MPHOSPH9: variants seen among roughly 807,000 people sequenced by gnomAD.
The protein encoded by MPHOSPH9 is M-phase phosphoprotein 9.
A neutral mutation model predicts 145.5 loss-of-function variants in MPHOSPH9; 88 were observed. The observed-to-expected ratio is 0.60, with a 90% CI of 0.51 to 0.72. MPHOSPH9 has a LOEUF of 0.72. MPHOSPH9 is among the 30% of genes least tolerant of loss of function. The probability of loss-of-function intolerance (pLI) is 0.00; values close to 1 mark genes in which losing one functional copy is unlikely to be tolerated. For missense variants in MPHOSPH9, 1,238 were observed against 1,386.6 expected, an observed-to-expected ratio of 0.89 and a Z score of 1.70; for synonymous variants, 435 against 486.2, an observed-to-expected ratio of 0.89 and a Z score of 1.39.
At chr12:123,200,466 A>G (rs757900872) in intron 11 of MPHOSPH9, among the ~76,000 whole-genome samples, 1 of 152,064 alleles carries the variant, frequency 6.6e-6, no homozygotes, top group Non-Finnish European at 1.5e-5. Context: ...CTGGCTTCCA[A>G]TTTGCTCCAC....
chr12:123,235,766 T>C (rs1047192279), upstream of MPHOSPH9, among the ~76,000 whole-genome samples: 1 of 151,974 alleles, frequency 6.6e-6, no homozygotes, highest in African/African-American at 2.4e-5. Context: ...ACTAGTCTTT[T>C]TAAAAAGAGA....
chr12:123,171,282 CG>C (rs1593086879), intron 16 of MPHOSPH9, among the ~76,000 whole-genome samples: 1 of 151,098 alleles, frequency 6.6e-6, no homozygotes, highest in East Asian at 1.9e-4. Flanking sequence ...GGTAAAACCC[CG>C]TCTCTACTAA....
chr12:123,175,821 TAAAAAAAAAA>T (rs75867409), intron 16 of MPHOSPH9, among the ~76,000 whole-genome samples: 1 of 131,764 alleles, frequency 7.6e-6, no homozygotes, highest in African/African-American at 2.8e-5. Context: ...ATCTTTTCTT[TAAAAAAAAAA>T]AAAAAAAAAG....
intron 15 of MPHOSPH9, 112 bp from the exon 16 acceptor site, chr12:123,176,901 C>G (rs1194867470): frequency 1.2e-6 from 1 of 802,342 alleles, no homozygotes; most frequent in Non-Finnish European, 2.0e-6. Flanking sequence ...AAAAGAGTTG[C>G]AAGTCCATGG....
chr12:123,152,357 G>A, downstream of MPHOSPH9: 2 of 336,162 alleles, frequency 5.9e-6, no homozygotes, highest in African/African-American at 2.2e-5. Context: ...AGTGCCTGTA[G>A]TGCAAGAAAG....
intron 13 of MPHOSPH9, among the ~76,000 whole-genome samples, chr12:123,194,162 G>A (rs1314347095): frequency 6.6e-6 from 1 of 152,098 alleles, no homozygotes; most frequent in African/African-American, 2.4e-5. Flanking sequence ...CCAGCTACTT[G>A]GGAGGCTGAG....
intron 7 of MPHOSPH9, among the ~76,000 whole-genome samples, chr12:123,211,711 T>C (rs532737163): frequency 6.6e-4 from 63 of 95,082 alleles, no homozygotes; most frequent in African/African-American, 1.9e-3. Flanking sequence ...TTTTTTTTTC[T>C]GAGACAGGGC....
intron 10 of MPHOSPH9, 121 bp from the exon 11 acceptor site, chr12:123,202,440 C>G (rs2046262513): frequency 1.6e-6 from 2 of 1,229,612 alleles, no homozygotes; most frequent in Non-Finnish European, 2.2e-6. Flanking sequence ...CCTTTGCATA[C>G]TACAAAATAT....
At position 123,227,456 on chromosome 12, in the gene MPHOSPH9, T is replaced by C. The variant is rs764583933; in HGVS notation, c.258+7A>G. 12 of 1,465,682 alleles carry C rather than the reference T, an allele frequency of 8.2e-6. No homozygotes were observed. Among genetic ancestry groups the C allele is most frequent in the Admixed American group, 2.5e-5 (1 of 39,796 alleles). 90.8% of individuals were successfully genotyped at this position (1,465,682 alleles called of 1,614,324 possible). A position where few individuals can be genotyped will look rare whatever the true frequency, so the allele number is the denominator to read the frequency against. ...TAAAATTCCAAAAATAAAACAAAAT[T>C]AGATACCTCACAGTTTTTCCAAAGT... On this transcript the variant is annotated splice_region_variant and intron_variant, in intron 3 of 23. Coordinates refer to ENST00000606320, the MANE Select transcript of MPHOSPH9 (RefSeq NM_022782.4).
At chr12:123,196,120 C>T (rs1029716811) in intron 12 of MPHOSPH9, among the ~76,000 whole-genome samples, 9 of 151,836 alleles carry the variant, frequency 5.9e-5, no homozygotes, top group African/African-American at 1.9e-4. Context: ...GAGGCCGAAG[C>T]GGGCAGATCA....
chr12:123,152,554 A>C, downstream of MPHOSPH9: 1 of 456,550 alleles, frequency 2.2e-6, no homozygotes, highest in South Asian at 1.6e-5. Context: ...ATCTGTAGTC[A>C]TAGAGATGAC....
chr12:123,208,327 A>G (rs1005709467), intron 8 of MPHOSPH9, among the ~76,000 whole-genome samples: 37 of 152,148 alleles, frequency 2.4e-4, no homozygotes, highest in African/African-American at 7.9e-4. Flanking sequence ...TCACGAGGTC[A>G]AGAGATCGAG....
At chr12:123,229,646 G>A (rs1431663757) in intron 2 of MPHOSPH9, among the ~76,000 whole-genome samples, 1 of 152,210 alleles carries the variant, frequency 6.6e-6, no homozygotes, top group East Asian at 1.9e-4. Flanking sequence ...GCAACTAAAT[G>A]TTAAAGATAT....
At chr12:123,162,885 T>C (rs2044165754) in intron 20 of MPHOSPH9, 129 bp downstream of exon 20, 2 of 870,414 alleles carry the variant, frequency 2.3e-6, no homozygotes, top group Non-Finnish European at 3.3e-6. Flanking sequence ...CATTCACTTA[T>C]GATTTAAATG....
chr12:123,187,260 C>G (rs561080639), intron 13 of MPHOSPH9, among the ~76,000 whole-genome samples: 2 of 146,278 alleles, frequency 1.4e-5, no homozygotes, highest in South Asian at 2.2e-4. Flanking sequence ...AACTCTGTCT[C>G]AAAAAAAAAG....
At chr12:123,211,706 T>C (rs961795214) in intron 7 of MPHOSPH9, among the ~76,000 whole-genome samples, 2 of 145,952 alleles carry the variant, frequency 1.4e-5, no homozygotes, top group Non-Finnish European at 3.0e-5. Flanking sequence ...TTTTTTTTTT[T>C]TTTCTGAGAC....
intron 12 of MPHOSPH9, 28 bp downstream of exon 12, chr12:123,198,219 G>T: frequency 6.6e-7 from 1 of 1,518,810 alleles, no homozygotes; most frequent in Non-Finnish European, 9.1e-7. Flanking sequence ...TGTCTCACCA[G>T]AACACCCACC....
chr12:123,218,976 C>T (rs1252324637), intron 5 of MPHOSPH9, among the ~76,000 whole-genome samples: 1 of 151,944 alleles, frequency 6.6e-6, no homozygotes, highest in East Asian at 1.9e-4. Context: ...AATGACAGCT[C>T]ACTGCAGTCT....
At chr12:123,234,842 C>T (rs1346358757), upstream of MPHOSPH9, among the ~76,000 whole-genome samples, 2 of 152,170 alleles carry the variant, frequency 1.3e-5, no homozygotes, top group East Asian at 3.8e-4. Context: ...GCTGGGAAGT[C>T]AGGCTATATT....
Sources: gnomAD v4.1 joint callset for allele counts (sites outside exome capture counted in the v4.1 genomes callset) on GRCh38, gnomAD v4.1.1 for gene constraint, MANE v1.5 for transcripts, NCBI Gene and HGNC (gene_info 2026-07-23, HGNC 2026-07-21) for gene names.